GALK2: variants seen among roughly 807,000 people sequenced by gnomAD.
GALK2 encodes N-acetylgalactosamine kinase.
In GALK2, 36 loss-of-function variants were observed where a neutral mutation model predicts 52.4. That is an observed-to-expected ratio of 0.69 (90% confidence interval 0.53 to 0.91). GALK2 has a LOEUF of 0.91. Ranked by LOEUF, GALK2 falls within the 40% of genes least tolerant of loss-of-function variation. The pLI is 0.00. For synonymous variants in GALK2, 176 were observed against 199.1 expected (o/e 0.88, Z 0.98); for missense variants, 579 against 559.1 (o/e 1.04, Z -0.36).
chr15:49,362,582 C>T (rs1323039988), intron 3 of GALK2, among the ~76,000 whole-genome samples: 2 of 152,170 alleles, frequency 1.3e-5, no homozygotes, highest in East Asian at 3.8e-4. Flanking sequence ...TGTCTGTTTA[C>T]TCTGTTGATA....
chr15:49,288,263 T>A (rs1336335414), intron 7 of GALK2, among the ~76,000 whole-genome samples: 1 of 152,196 alleles, frequency 6.6e-6, no homozygotes, highest in Non-Finnish European at 1.5e-5. Flanking sequence ...ATAAGTATTA[T>A]GGGAAGTCAG....
intron 4 of GALK2, among the ~76,000 whole-genome samples, chr15:49,237,787 A>C (rs2090904257): frequency 6.6e-6 from 1 of 152,068 alleles, no homozygotes; most frequent in Non-Finnish European, 1.5e-5. Context: ...TAAGTTCTTA[A>C]GTGTGATTCC....
At chr15:49,262,084 A>C (rs185087137) in intron 5 of GALK2, among the ~76,000 whole-genome samples, 1 of 152,300 alleles carries the variant, frequency 6.6e-6, no homozygotes, top group African/African-American at 2.4e-5. Context: ...TGGCCTCATA[A>C]AATGAGTTAG....
intron 1 of GALK2, among the ~76,000 whole-genome samples, chr15:49,176,996 T>C (rs941194978): frequency 1.3e-5 from 2 of 152,146 alleles, no homozygotes; most frequent in African/African-American, 4.8e-5. Flanking sequence ...TTTTAAACTC[T>C]TGTGTCAATT....
intron 2 of GALK2, among the ~76,000 whole-genome samples, chr15:49,205,691 C>G (rs1192598746): frequency 2.0e-5 from 3 of 152,252 alleles, no homozygotes; most frequent in Middle Eastern, 6.8e-3. Context: ...TGTCTTTTTA[C>G]TCTGCTGACT....
chr15:49,290,324 T>C (rs2033811011), intron 7 of GALK2, among the ~76,000 whole-genome samples: 1 of 152,248 alleles, frequency 6.6e-6, no homozygotes, highest in Admixed American at 6.5e-5. Flanking sequence ...TGAGGGCATA[T>C]GGTAGATTTC....
intron 2 of GALK2, among the ~76,000 whole-genome samples, chr15:49,216,317 T>C (rs1186682247): frequency 6.6e-6 from 1 of 152,160 alleles, no homozygotes; most frequent in Admixed American, 6.5e-5. Context: ...TGAGAGTGGG[T>C]CCAGGAACTA....
chr15:49,190,698 T>C (rs1333337194), intron 1 of GALK2, among the ~76,000 whole-genome samples: 1 of 152,230 alleles, frequency 6.6e-6, no homozygotes, highest in Non-Finnish European at 1.5e-5. Context: ...AGGATGCTCC[T>C]GTAACAGTAG....
intron 1 of GALK2, among the ~76,000 whole-genome samples, chr15:49,192,505 A>ATG (rs2086835848): frequency 7.2e-6 from 1 of 138,080 alleles, no homozygotes; most frequent in African/African-American, 2.7e-5. Flanking sequence ...ATATATATAT[A>ATG]TATATATATA....
rs201917338 is a variant in GALK2, at chr15:49,292,558, A to G, written c.967+21A>G. ...AGATGGTGAGTTGGCTGGAGAAAGT[A>G]TGATATATGTTATTCCCTCACTTAC... is the stretch of plus-strand genomic sequence containing the variant. On this transcript the variant is annotated intron_variant, in intron 8 of 9. Coordinates refer to ENST00000560031, the MANE Select transcript of GALK2 (RefSeq NM_002044.4). The G allele has an allele frequency of 8.2e-6, 13 of 1,590,520 alleles. No individual in the cohort carries two copies. The East Asian group carries it at 1.8e-4, about 22-fold the overall frequency.
Position 49,328,846 on chromosome 15 carries a change from G to A in GALK2, c.*687G>A, listed in dbSNP as rs2151120233. ...ACTCATTTGAATATTTGTAAACCAT[G>A]TAATATATAAATAACCACTTTCAAT... On this transcript the variant is annotated 3_prime_UTR_variant, in exon 10 of 10. Transcript: ENST00000560031. 1 of 1,366,780 alleles carries A rather than the reference G, an allele frequency of 7.3e-7. No individual in the cohort carries two copies. Among genetic ancestry groups the A allele is most frequent in the Non-Finnish European group, 9.4e-7 (1 of 1,058,940 alleles). The allele number at this position is 1,366,780 out of a possible 1,614,324, so 84.7% of individuals were successfully genotyped here.
At chr15:49,186,930 C>G (rs1017751118) in intron 1 of GALK2, among the ~76,000 whole-genome samples, 1 of 152,216 alleles carries the variant, frequency 6.6e-6, no homozygotes, top group Non-Finnish European at 1.5e-5. Context: ...GGAATGGCCA[C>G]TGGTGCCTCA....
At chr15:49,163,779 G>A (rs1335687138) in intron 1 of GALK2, among the ~76,000 whole-genome samples, 3 of 152,126 alleles carry the variant, frequency 2.0e-5, no homozygotes, top group South Asian at 2.1e-4. Flanking sequence ...TGAATTCTCT[G>A]AAATGCAGCA....
Position 49,270,864 on chromosome 15 carries a change from C to T in GALK2, c.505-11123C>T, listed in dbSNP as rs536153130. ...AGGGAAAGAAATAGTAACTAGTCAT[C>T]GAATGCCCCTCTCTTCTTGTCATTC... On this transcript the variant is annotated intron_variant, in intron 5 of 9. Transcript: ENST00000560031. Among the ~76,000 whole-genome samples, 4 of 152,084 alleles carry T rather than the reference C, an allele frequency of 2.6e-5. No homozygotes were observed. The East Asian group carries it at 7.7e-4, about 29-fold the overall frequency.
chr15:49,172,216 A>C (rs1460113430), intron 1 of GALK2, among the ~76,000 whole-genome samples: 1 of 152,220 alleles, frequency 6.6e-6, no homozygotes, highest in Non-Finnish European at 1.5e-5. Context: ...GTATAGGTAC[A>C]TGTACTAAAA....
chr15:49,315,174 A>C (rs2219812), intron 8 of GALK2, among the ~76,000 whole-genome samples: 100,245 of 152,102 alleles, frequency 0.66, 33,633 homozygotes, highest in African/African-American at 0.74. Flanking sequence ...GAAGACTATG[A>C]CGTATATCCC....
chr15:49,230,669 A>T (rs1161011681), intron 3 of GALK2, among the ~76,000 whole-genome samples: 6 of 152,196 alleles, frequency 3.9e-5, no homozygotes, highest in Non-Finnish European at 7.3e-5. Flanking sequence ...CCAGACACAC[A>T]CAGGTGTCTT....
At chr15:49,217,153 A>G (rs753355168) in intron 2 of GALK2, 37 bp from the exon 3 acceptor site, 17 of 1,576,708 alleles carry the variant, frequency 1.1e-5, no homozygotes, top group Non-Finnish European at 1.4e-5. Context: ...TGTTTTATAT[A>G]TTAGCAATGA....
intron 2 of GALK2, among the ~76,000 whole-genome samples, chr15:49,208,148 C>G (rs1166720076): frequency 1.3e-5 from 2 of 152,126 alleles, no homozygotes; most frequent in African/African-American, 2.4e-5. Flanking sequence ...GTTTCAATTT[C>G]ACTTAGTTCT....
Sources: allele counts gnomAD v4.1 joint callset (sites outside exome capture counted in the v4.1 genomes callset), GRCh38; gene constraint gnomAD v4.1.1; transcripts MANE v1.5; gene names NCBI Gene and HGNC (gene_info 2026-07-23, HGNC 2026-07-21).